Variants in TLE3 observed in about 807,000 individuals in gnomAD.
TLE3 encodes TLE family member 3, transcriptional corepressor.
A neutral mutation model predicts 93.0 loss-of-function variants in TLE3; 14 were observed. That is an observed-to-expected ratio of 0.15 (90% CI 0.10 to 0.24). The LOEUF (loss-of-function observed/expected upper bound fraction) is 0.24, where lower values mean the gene tolerates loss of function less well. Ranked by LOEUF, TLE3 falls within the 10% of genes least tolerant of loss-of-function variation. TLE3 has a pLI of 1.00. For synonymous variants in TLE3, 451 were observed against 425.0 expected, an observed-to-expected ratio of 1.06 and a Z score of -0.75; for missense variants, 693 against 1,046.6, an observed-to-expected ratio of 0.66 and a Z score of 4.66.
Position 70,094,407 on chromosome 15 carries a change from T to C in TLE3, c.234+125A>G, listed in dbSNP as rs891976495. The C allele has an allele frequency of 1.5e-5, 11 of 746,668 alleles. No individual in the cohort carries two copies. In the African/African-American group the frequency reaches 1.6e-4, roughly 11 times the overall value. The allele number at this position is 746,668 out of a possible 1,614,324, so 46.3% of individuals were successfully genotyped here. On this transcript the variant is annotated intron_variant, in intron 4 of 19. Transcript: ENST00000451782. ...CATTTCAAGGACTGGATCCATTCAC[T>C]CTTCAAGGAGAAGGGGGAGGAATCG...
At chr15:70,072,002 G>A (rs675683) in intron 6 of TLE3, among the ~76,000 whole-genome samples, 8,903 of 152,256 alleles carry the variant, frequency 0.058, 939 homozygotes, top group African/African-American at 0.2. Flanking sequence ...TCCCCAGTGC[G>A]AGCACGACTC....
intron 4 of TLE3, among the ~76,000 whole-genome samples, chr15:70,085,735 G>C (rs572827629): frequency 1.3e-5 from 2 of 152,196 alleles, no homozygotes; most frequent in African/African-American, 4.8e-5. Flanking sequence ...CATGTCTTTC[G>C]AGCTCTAAAC....
intron 6 of TLE3, among the ~76,000 whole-genome samples, chr15:70,067,578 A>G (rs2141672776): frequency 6.6e-6 from 1 of 152,350 alleles, no homozygotes; most frequent in Middle Eastern, 3.4e-3. Context: ...AGAAGCTTCC[A>G]GATCTCACAC....
Position 70,096,804 on chromosome 15 carries a change from G to A in TLE3, c.-6C>T, listed in dbSNP as rs776093909. The A allele has an allele frequency of 3.1e-6, 5 of 1,612,588 alleles. No individual in the cohort carries two copies. Among genetic ancestry groups the A allele is most frequent in the South Asian group, 2.2e-5 (2 of 90,882 alleles). On this transcript the variant is annotated 5_prime_UTR_variant, in exon 1 of 20. Transcript: ENST00000451782. ...TGTCTGCCCTGCGGATACATGGCAG[G>A]GAGGGGTCGTGATTCCGAGAGCGTG...
intron 4 of TLE3, among the ~76,000 whole-genome samples, chr15:70,080,440 T>C (rs536936220): frequency 6.6e-6 from 1 of 152,340 alleles, no homozygotes; most frequent in South Asian, 2.1e-4. Flanking sequence ...GGAACTAATC[T>C]ACTAGATACA....
intron 4 of TLE3, chr15:70,079,567 C>T: frequency 2.6e-6 from 1 of 384,540 alleles, no homozygotes; most frequent in South Asian, 1.9e-5. Context: ...AGGGATTGGG[C>T]CTCCCCCATC....
At chr15:70,067,783 A>C (rs897377685) in intron 6 of TLE3, among the ~76,000 whole-genome samples, 1 of 152,188 alleles carries the variant, frequency 6.6e-6, no homozygotes, top group Admixed American at 6.5e-5. Flanking sequence ...AACGGCAGCC[A>C]CAGAAGCCAT....
At chr15:70,096,525 G>T in intron 1 of TLE3, 1 of 1,300,376 alleles carries the variant, frequency 7.7e-7, no homozygotes, top group Non-Finnish European at 1.1e-6. Flanking sequence ...TGAGTTGGGA[G>T]ACTTCAGAGC....
chr15:70,058,467 C>A lies in TLE3; in HGVS notation c.919-176G>T. 1 of 1,299,404 alleles carries A rather than the reference C, an allele frequency of 7.7e-7. No individual in the cohort carries two copies. Among genetic ancestry groups the A allele is most frequent in the East Asian group, 2.4e-5 (1 of 41,374 alleles). 80.5% of individuals were successfully genotyped at this position (1,299,404 alleles called of 1,614,324 possible). On this transcript the variant is annotated intron_variant, in intron 11 of 19. Transcript: ENST00000451782. This position sits in a 1 kb window ranked among gnomAD's most constrained non-coding sequence, Gnocchi z 4.1. ...TTTGGCAGGGACTGGGGTGATCACT[C>A]CCATTTTACAGACGTAGCAACCGAG...
intron 6 of TLE3, among the ~76,000 whole-genome samples, chr15:70,071,783 G>A (rs1230540458): frequency 2.6e-5 from 4 of 152,110 alleles, no homozygotes; most frequent in African/African-American, 9.7e-5. Flanking sequence ...AGAGCCTCTT[G>A]GGACCCTCTC....
At chr15:70,096,637 A>G in intron 1 of TLE3, 138 bp downstream of exon 1, 1 of 1,547,914 alleles carries the variant, frequency 6.5e-7, no homozygotes, top group Non-Finnish European at 8.7e-7. Flanking sequence ...CCCCGGCCGC[A>G]TCCCCCTTTG....
intron 17 of TLE3, chr15:70,052,853 C>T (rs2055669590): frequency 3.3e-6 from 1 of 302,264 alleles, no homozygotes; most frequent in Admixed American, 4.6e-5. Context: ...CTGGCATTTA[C>T]TGAATGCTTT....
chr15:70,064,425 C>G (rs764080733), intron 8 of TLE3, 29 bp downstream of exon 8: 1 of 1,613,386 alleles, frequency 6.2e-7, no homozygotes, highest in East Asian at 2.2e-5. Flanking sequence ...CCCAAACACC[C>G]CTCCGGGTTC....
intron 15 of TLE3, 153 bp from the exon 16 acceptor site, chr15:70,054,838 C>A: frequency 7.9e-7 from 1 of 1,262,224 alleles, no homozygotes; most frequent in Non-Finnish European, 1.1e-6. Context: ...TCCTCAAATT[C>A]ACAACCCTTT....
Position 70,058,861 on chromosome 15 carries a change from C to T in TLE3, c.766-46G>A. 6.7e-7 allele frequency: 1 copy of T among 1,502,040 alleles called. No homozygotes were observed. The highest frequency in any genetic ancestry group is 2.4e-5 in the East Asian group (1 of 42,244). The allele number at this position is 1,502,040 out of a possible 1,614,324, so 93.0% of individuals were successfully genotyped here. ...GAGATGCACTGAAAGCAACAGCCAGCCTCGAGGCTTCCCTGCTCTGGGAGT... is the reference window on the plus strand; with the variant it reads ...GAGATGCACTGAAAGCAACAGCCAGTCTCGAGGCTTCCCTGCTCTGGGAGT... On this transcript the variant is annotated intron_variant, in intron 10 of 19. Transcript: ENST00000451782. This position sits in a 1 kb window ranked among gnomAD's most constrained non-coding sequence, Gnocchi z 4.1.
Position 70,097,398 on chromosome 15 carries a change from G to A in TLE3, c.-600C>T. On this transcript the variant is annotated 5_prime_UTR_variant, in exon 1 of 20. Transcript: ENST00000451782. ...GTGAGGGCGGGAGCCCGGCGCGGGC[G>A]CTTCGACGCCCCCCCTCGGAGAGGA... 2 of 408,938 alleles carry A rather than the reference G, an allele frequency of 4.9e-6. No individual in the cohort carries two copies. Among genetic ancestry groups the A allele is most frequent in the South Asian group, 8.9e-5 (1 of 11,268 alleles). The allele number at this position is 408,938 out of a possible 1,614,324, so 25.3% of individuals were successfully genotyped here.
intron 14 of TLE3, chr15:70,055,518 A>C: frequency 4.0e-6 from 2 of 505,472 alleles, no homozygotes; most frequent in Non-Finnish European, 3.3e-6. Flanking sequence ...CCAGTTATAT[A>C]TCCTTGCTTC....
chr15:70,094,467 T>C, intron 4 of TLE3, 65 bp downstream of exon 4: 1 of 1,243,332 alleles, frequency 8.0e-7, no homozygotes. Context: ...AGAGAGAACA[T>C]AAGAAGTCCA....
intron 4 of TLE3, among the ~76,000 whole-genome samples, chr15:70,084,064 CT>C (rs1312847423): frequency 6.6e-6 from 1 of 152,196 alleles, no homozygotes; most frequent in Non-Finnish European, 1.5e-5. Context: ...TGATATGCTC[CT>C]TCTCAAACTG....
Sources: allele counts gnomAD v4.1 joint callset (sites outside exome capture counted in the v4.1 genomes callset), GRCh38; gene constraint gnomAD v4.1.1; non-coding constraint Gnocchi (gnomAD v3.1); transcripts MANE v1.5; gene names NCBI Gene and HGNC (gene_info 2026-07-23, HGNC 2026-07-21).